Variants in MKNK1 observed in about 807,000 individuals in gnomAD.
MKNK1 encodes MAPK interacting serine/threonine kinase 1, also known as MAP kinase-interacting serine/threonine-protein kinase 1.
In MKNK1, 30 loss-of-function variants were observed where a neutral mutation model predicts 49.3. The observed-to-expected ratio is 0.61, with a 90% CI of 0.46 to 0.83. MKNK1 has a LOEUF of 0.83. Ranked by LOEUF, MKNK1 falls within the 40% of genes least tolerant of loss-of-function variation. The pLI, the probability that MKNK1 is intolerant of heterozygous loss-of-function variation, is 0.00. For synonymous variants in MKNK1, 176 were observed against 201.7 expected, an observed-to-expected ratio of 0.87 and a Z score of 1.08; for missense variants, 423 against 524.7, an observed-to-expected ratio of 0.81 and a Z score of 1.89.
At position 46,561,615 on chromosome 1, in the gene MKNK1, C is replaced by T; in HGVS notation, c.832G>A (p.Gly278Ser). The T allele has an allele frequency of 6.2e-7, 1 of 1,614,174 alleles. No individual in the cohort carries two copies. Among genetic ancestry groups the T allele is most frequent in the Non-Finnish European group, 8.5e-7 (1 of 1,180,010 alleles). ...TCCTTGTCAGGAAACTCATACTTGC[C>T]TTCCTGGATGCTTTCAAACAGCTTG... The part of the protein sequence containing the change: ...QNKLFESIQE[G>S]KYEFPDKDWA... The change falls in exon 11 of 13, where the codon GGC becomes AGC. Residue 278 changes from glycine (G) to serine (S), a missense_variant. Physicochemically the swap from Gly to Ser is moderately conservative, Grantham distance 56 (BLOSUM62 0). Transcript: ENST00000371945.
At chr1:46,569,982 T>C (rs921361319) in intron 7 of MKNK1, 2 of 152,190 alleles carry the variant, frequency 1.3e-5, no homozygotes, top group African/African-American at 2.4e-5. Flanking sequence ...TTCCCAGAGG[T>C]TGAGCTGCAG....
At chr1:46,586,612 T>C (rs1475830810) in intron 2 of MKNK1, among the ~76,000 whole-genome samples, 1 of 152,146 alleles carries the variant, frequency 6.6e-6, no homozygotes, top group Non-Finnish European at 1.5e-5. Context: ...ACATGCATAC[T>C]GTTAGGTGTG....
intron 2 of MKNK1, among the ~76,000 whole-genome samples, chr1:46,583,984 T>C (rs957812159): frequency 6.6e-6 from 1 of 152,208 alleles, no homozygotes. Context: ...CATTCAGAAG[T>C]CGGCAGTTGA....
At chr1:46,560,392 A>G in intron 11 of MKNK1, 115 bp from the exon 12 acceptor site, 6 of 1,122,182 alleles carry the variant, frequency 5.3e-6, no homozygotes, top group Non-Finnish European at 8.0e-6. Context: ...GCACAGGGAA[A>G]TGGCTATGCT....
At chr1:46,586,081 G>A (rs1672525854) in intron 2 of MKNK1, 5 of 422,646 alleles carry the variant, frequency 1.2e-5, no homozygotes, top group South Asian at 1.9e-5. Context: ...CCAAGGGGTC[G>A]CTAGTTGCCC....
chr1:46,581,718 G>C (rs1454062203), intron 3 of MKNK1, among the ~76,000 whole-genome samples: 1 of 152,098 alleles, frequency 6.6e-6, no homozygotes, highest in Non-Finnish European at 1.5e-5. Context: ...GGAGGCTTCT[G>C]AGAAGTCTCC....
intron 9 of MKNK1, among the ~76,000 whole-genome samples, chr1:46,564,326 G>A (rs956041423): frequency 6.6e-6 from 1 of 152,092 alleles, no homozygotes; most frequent in Admixed American, 6.5e-5. Context: ...CCCATTACAA[G>A]GGGGCTGCGC....
chr1:46,584,896 C>A (rs1672285845), intron 2 of MKNK1: 1 of 152,112 alleles, frequency 6.6e-6, no homozygotes. Flanking sequence ...AAATATAACT[C>A]TAGCCAAGAG....
At chr1:46,570,095 C>A (rs925995762) in intron 7 of MKNK1, 1 of 152,206 alleles carries the variant, frequency 6.6e-6, no homozygotes, top group African/African-American at 2.4e-5. Flanking sequence ...CCAAGTTCAG[C>A]TGGAAATCGT....
intron 7 of MKNK1, chr1:46,569,244 A>G (rs143393341): frequency 6.6e-6 from 1 of 152,436 alleles, no homozygotes; most frequent in Non-Finnish European, 1.5e-5. Flanking sequence ...GCTGTTTTTA[A>G]GAGAAAACCT....
chr1:46,580,668 C>T (rs374547606), intron 3 of MKNK1, 41 bp from the exon 4 acceptor site: 66 of 1,417,104 alleles, frequency 4.7e-5, no homozygotes, highest in Non-Finnish European at 6.1e-5. Context: ...AGATGAGTCA[C>T]CCTACTGCAA....
At chr1:46,573,137 G>A (rs1254641484) in intron 6 of MKNK1, among the ~76,000 whole-genome samples, 2 of 152,196 alleles carry the variant, frequency 1.3e-5, no homozygotes, top group African/African-American at 2.4e-5. Flanking sequence ...AAAGAAAAAT[G>A]GTTGAGCAAC....
In MKNK1 at chr1:46,603,342, T is replaced by G. The variant is rs76644377; in HGVS notation, c.-171+843A>C. On this transcript the variant is annotated intron_variant, in intron 1 of 12. Coordinates refer to ENST00000371945, the MANE Select transcript of MKNK1 (RefSeq NM_001135553.4). ...TCCATCTGTAAATCCCACTGAGGCTTCAAGGCCCAGGTCACAACAACTCTT... is the reference window on the plus strand; with the variant it reads ...TCCATCTGTAAATCCCACTGAGGCTGCAAGGCCCAGGTCACAACAACTCTT... 5.4e-3 allele frequency among the ~76,000 whole-genome samples: 828 copies of G among 152,276 alleles called. 8 individuals are homozygous for G. The highest frequency in any genetic ancestry group is 0.033 in the East Asian group (171 of 5,186).
intron 1 of MKNK1, among the ~76,000 whole-genome samples, chr1:46,598,411 T>A (rs1557899618): frequency 1.3e-5 from 2 of 152,166 alleles, no homozygotes; most frequent in Non-Finnish European, 1.5e-5. Flanking sequence ...AACCATGTGC[T>A]GGAACAATCT....
rs906015309 is a variant in MKNK1, at chr1:46,604,203, G to C, written c.-189C>G. The C allele has an allele frequency of 1.3e-5, 2 of 152,306 alleles. No homozygotes were observed. The highest frequency in any genetic ancestry group is 1.5e-5 in the Non-Finnish European group (1 of 68,092). 9.4% of individuals were successfully genotyped at this position (152,306 alleles called of 1,614,324 possible). A position where few individuals can be genotyped will look rare whatever the true frequency, so the allele number is the denominator to read the frequency against. ...CTTTTACCTTCGCTGGCTCCCGCCG[G>C]GGAGCGGTCGCGCGCACCCCTACCT... On this transcript the variant is annotated 5_prime_UTR_variant, in exon 1 of 13. Coordinates refer to ENST00000371945, the MANE Select transcript of MKNK1 (RefSeq NM_001135553.4).
At position 46,561,793 on chromosome 1, in the gene MKNK1, C is replaced by T. The variant is rs145847394; in HGVS notation, c.805-151G>A. Reference sequence around the variant, plus strand: ...ACAGACTGGGGCCTCTTCCCAGACTCACCCCGCACTGTCCCCTAGATGATC... The same window carrying T: ...ACAGACTGGGGCCTCTTCCCAGACTTACCCCGCACTGTCCCCTAGATGATC... On this transcript the variant is annotated intron_variant, in intron 10 of 12. Transcript: ENST00000371945. 3,888 of 767,274 alleles carry T rather than the reference C, an allele frequency of 5.1e-3. 74 individuals carry two copies. The highest frequency in any genetic ancestry group is 0.037 in the Admixed American group (1,332 of 36,364). The allele number at this position is 767,274 out of a possible 1,614,324, so 47.5% of individuals were successfully genotyped here.
chr1:46,558,563 G>C lies in MKNK1; in HGVS notation c.*12C>G. 1 of 1,595,486 alleles carries C rather than the reference G, an allele frequency of 6.3e-7. No individual in the cohort carries two copies. Among genetic ancestry groups the C allele is most frequent in the Non-Finnish European group, 8.5e-7 (1 of 1,170,958 alleles). ...GCCAGGCCTAGGGCCTATAAGGTGT[G>C]ACTGGAGCATTTCAGAGTGCTGTGG... On this transcript the variant is annotated 3_prime_UTR_variant, in exon 13 of 13. Coordinates refer to ENST00000371945, the MANE Select transcript of MKNK1 (RefSeq NM_001135553.4).
chr1:46,576,926 G>A (rs1671053406), intron 4 of MKNK1, among the ~76,000 whole-genome samples: 1 of 152,222 alleles, frequency 6.6e-6, no homozygotes, highest in Non-Finnish European at 1.5e-5. Flanking sequence ...CTGCCCAGGG[G>A]AGACTGAGGC....
At position 46,589,394 on chromosome 1, in the gene MKNK1, T is replaced by TG. The variant is rs1176298212; in HGVS notation, c.-3+4718dup. 2.0e-5 allele frequency among the ~76,000 whole-genome samples: 3 copies of TG among 152,134 alleles called. No individual in the cohort carries two copies. Among genetic ancestry groups the TG allele is most frequent in the South Asian group, 4.2e-4 (2 of 4,800 alleles). ...GCCTGGAGGAGGGACACAGGGCCGG[T>TG]GGGGGCCACTGGTGATCACTCAGGC... is the stretch of plus-strand genomic sequence containing the variant. On this transcript the variant is annotated intron_variant, in intron 2 of 12. Coordinates refer to ENST00000371945, the MANE Select transcript of MKNK1 (RefSeq NM_001135553.4). The surrounding 1 kb of genome is among the most constrained non-coding windows in gnomAD (Gnocchi z 4.3).
Sources: gnomAD v4.1 joint callset for allele counts (sites outside exome capture counted in the v4.1 genomes callset) on GRCh38, gnomAD v4.1.1 for gene constraint, Gnocchi (gnomAD v3.1) non-coding constraint, MANE v1.5 for transcripts, NCBI Gene and HGNC (gene_info 2026-07-23, HGNC 2026-07-21) for gene names.